NXPE2: variants seen among roughly 807,000 people sequenced by gnomAD.
NXPE2 encodes the protein NXPE family member 2.
A neutral mutation model predicts 34.4 loss-of-function variants in NXPE2; 34 were observed. The observed-to-expected ratio is 0.99, with a 90% CI of 0.75 to 1.31. NXPE2 has a LOEUF of 1.31. Among genes scored for constraint, NXPE2 ranks in the 40% most tolerant of loss-of-function variants. NXPE2 has a pLI of 0.00. For synonymous variants in NXPE2, 235 were observed against 231.3 expected, an observed-to-expected ratio of 1.02 and a Z score of -0.15; for missense variants, 649 against 672.5, an observed-to-expected ratio of 0.97 and a Z score of 0.39.
the NXPE2 span, among the ~76,000 whole-genome samples, chr11:114,548,155 G>A: frequency 2.0e-5 from 3 of 152,252 alleles, no homozygotes; most frequent in East Asian, 5.8e-4. Context: ...GAATATTTAT[G>A]CACCGAGTAC....
the NXPE2 span, among the ~76,000 whole-genome samples, chr11:114,477,960 A>G: frequency 2.0e-5 from 3 of 152,238 alleles, 1 homozygote; most frequent in Middle Eastern, 0.01. Context: ...AGTGGTACCT[A>G]GTAAAACAGT....
At chr11:114,683,484 G>T (rs1381379089) in intron 2 of NXPE2, among the ~76,000 whole-genome samples, 1 of 147,952 alleles carries the variant, frequency 6.8e-6, no homozygotes, top group Non-Finnish European at 1.5e-5. Flanking sequence ...GCAGTGGCAC[G>T]ACCTCGGCTC....
chr11:114,608,966 G>T, the NXPE2 span, among the ~76,000 whole-genome samples: 3 of 151,534 alleles, frequency 2.0e-5, no homozygotes, highest in Non-Finnish European at 2.9e-5. Context: ...TGGAAAATAA[G>T]TGTTGCCTCG....
chr11:114,585,034 A>C, the NXPE2 span, among the ~76,000 whole-genome samples: 1 of 152,020 alleles, frequency 6.6e-6, no homozygotes. Flanking sequence ...CCTTTATTGC[A>C]CCTTCTAAAA....
At chr11:114,723,919 G>A in the NXPE2 span, among the ~76,000 whole-genome samples, 7 of 152,216 alleles carry the variant, frequency 4.6e-5, no homozygotes, top group African/African-American at 7.2e-5. Flanking sequence ...GCACAGAACC[G>A]AACCCTCTCC....
At chr11:114,601,762 T>TAATTA in the NXPE2 span, among the ~76,000 whole-genome samples, 1 of 70,768 alleles carries the variant, frequency 1.4e-5, no homozygotes, top group Admixed American at 2.6e-4. Flanking sequence ...AATATATATG[T>TAATTA]GATTATATAT....
At chr11:114,684,384 A>T (rs1355500734) in intron 2 of NXPE2, among the ~76,000 whole-genome samples, 1 of 151,944 alleles carries the variant, frequency 6.6e-6, no homozygotes, top group African/African-American at 2.4e-5. Context: ...CCGAGATCAC[A>T]CCACTGCACT....
At chr11:114,645,477 A>G in the NXPE2 span, among the ~76,000 whole-genome samples, 1 of 152,170 alleles carries the variant, frequency 6.6e-6, no homozygotes. Flanking sequence ...TTTCTGAAAG[A>G]CAAACAAAAA....
chr11:114,740,763 G>A, the NXPE2 span, among the ~76,000 whole-genome samples: 1 of 152,034 alleles, frequency 6.6e-6, no homozygotes, highest in Non-Finnish European at 1.5e-5. Flanking sequence ...CAAAAGTAAG[G>A]TATTGAAGTC....
At chr11:114,622,352 G>C in the NXPE2 span, among the ~76,000 whole-genome samples, 2 of 151,822 alleles carry the variant, frequency 1.3e-5, no homozygotes, top group African/African-American at 2.4e-5. Context: ...GTGTTGCCTC[G>C]TGGGTAACCA....
the NXPE2 span, among the ~76,000 whole-genome samples, chr11:114,476,423 A>G: frequency 0.016 from 2,372 of 152,308 alleles, 66 homozygotes; most frequent in African/African-American, 0.055. Flanking sequence ...CAGTTATAAA[A>G]TTAAGACTCT....
chr11:114,721,960 A>G, the NXPE2 span, among the ~76,000 whole-genome samples: 1 of 152,216 alleles, frequency 6.6e-6, no homozygotes, highest in Non-Finnish European at 1.5e-5. Flanking sequence ...GAGTAAAACA[A>G]GGGTGCACTA....
chr11:114,724,890 G>GTTTTT, the NXPE2 span, among the ~76,000 whole-genome samples: 54 of 90,930 alleles, frequency 5.9e-4, no homozygotes, highest in African/African-American at 2.1e-3. Flanking sequence ...TTCAGAAATG[G>GTTTTT]TTTTTTTTTT....
the NXPE2 span, among the ~76,000 whole-genome samples, chr11:114,638,972 G>A: frequency 6.6e-6 from 1 of 151,994 alleles, no homozygotes; most frequent in Non-Finnish European, 1.5e-5. Context: ...GCTGTGAGCT[G>A]GGAGAACCAC....
the NXPE2 span, among the ~76,000 whole-genome samples, chr11:114,803,640 A>G: frequency 3.2e-3 from 485 of 151,246 alleles, 2 homozygotes; most frequent in South Asian, 0.026. Context: ...ACAGTGGCAC[A>G]ATCTGGGTTC....
chr11:114,706,815 A>G lies in NXPE2; in HGVS notation c.1565A>G (p.Asn522Ser). The change falls in exon 6 of 6, where the codon AAT becomes AGT. Residue 522 changes from asparagine (N) to serine (S), a missense_variant. Physicochemically the swap from Asn to Ser is conservative, Grantham distance 46 (BLOSUM62 1). Coordinates refer to ENST00000389586, the MANE Select transcript of NXPE2 (RefSeq NM_182495.6). ...LIIRDIFVDL[N>S]VGIIDAWDMT... ...ATAAGAGATATTTTTGTGGATCTTAATGTGGGTATTATTGATGCCTGGGAC... is the reference window on the plus strand; with the variant it reads ...ATAAGAGATATTTTTGTGGATCTTAGTGTGGGTATTATTGATGCCTGGGAC... 6.4e-7 allele frequency: 1 copy of G among 1,552,164 alleles called. No individual in the cohort carries two copies. The highest frequency in any genetic ancestry group is 2.0e-5 in the Admixed American group (1 of 51,018).
chr11:114,479,851 G>T, the NXPE2 span, among the ~76,000 whole-genome samples: 1 of 152,164 alleles, frequency 6.6e-6, no homozygotes, highest in African/African-American at 2.4e-5. Context: ...TCACAGTTCT[G>T]CAGGCTGTAC....
chr11:114,781,682 G>T, the NXPE2 span, among the ~76,000 whole-genome samples: 1 of 152,126 alleles, frequency 6.6e-6, no homozygotes, highest in Non-Finnish European at 1.5e-5. Flanking sequence ...GCCAGTCTAG[G>T]GGGGCCATGA....
the NXPE2 span, among the ~76,000 whole-genome samples, chr11:114,810,949 C>A: frequency 6.6e-6 from 1 of 151,354 alleles, no homozygotes; most frequent in Admixed American, 6.6e-5. Context: ...AAATGTCCAA[C>A]GATAGACTGG....
Sources: allele counts gnomAD v4.1 joint callset (sites outside exome capture counted in the v4.1 genomes callset), GRCh38; gene constraint gnomAD v4.1.1; transcripts MANE v1.5; gene names NCBI Gene and HGNC (gene_info 2026-07-23, HGNC 2026-07-21).